Variants in FRMD5 observed in about 807,000 individuals in gnomAD.
FRMD5 encodes FERM domain-containing protein 5.
A neutral mutation model predicts 69.0 loss-of-function variants in FRMD5; 20 were observed. The observed-to-expected ratio is 0.29, with a 90% CI of 0.20 to 0.42. FRMD5 has a LOEUF of 0.42. Ranked by LOEUF, FRMD5 falls within the 10% of genes least tolerant of loss-of-function variation. FRMD5 has a pLI of 1.00. For missense variants in FRMD5, 595 were observed against 708.6 expected, an observed-to-expected ratio of 0.84 and a Z score of 1.82; for synonymous variants, 271 against 260.1, an observed-to-expected ratio of 1.04 and a Z score of -0.40.
intron 1 of FRMD5, among the ~76,000 whole-genome samples, chr15:44,098,538 A>AAG (rs371344192): frequency 0.45 from 65,395 of 143,840 alleles, 18,873 homozygotes; most frequent in Non-Finnish European, 0.62. Flanking sequence ...AAAAAAAAAA[A>AAG]AGAGAGAGAG....
At chr15:43,977,606 A>G (rs933702444) in intron 1 of FRMD5, among the ~76,000 whole-genome samples, 11 of 152,242 alleles carry the variant, frequency 7.2e-5, no homozygotes, top group Admixed American at 2.6e-4. Context: ...AAAAACATTA[A>G]TATTAAGCAG....
At chr15:43,992,442 G>A (rs895791485) in intron 1 of FRMD5, among the ~76,000 whole-genome samples, 5 of 151,534 alleles carry the variant, frequency 3.3e-5, no homozygotes, top group African/African-American at 9.7e-5. Context: ...GCCGTGGTGC[G>A]ATATCAGCTC....
chr15:43,913,686 C>T (rs1025205431), intron 4 of FRMD5, among the ~76,000 whole-genome samples: 3 of 152,232 alleles, frequency 2.0e-5, no homozygotes, highest in African/African-American at 7.2e-5. Flanking sequence ...CCTGCTGGGG[C>T]TGCCTAGTGC....
At chr15:44,050,655 C>A (rs1213056596) in intron 1 of FRMD5, among the ~76,000 whole-genome samples, 2 of 35,406 alleles carry the variant, frequency 5.6e-5, no homozygotes, top group Non-Finnish European at 3.0e-4. Flanking sequence ...GGCACACTGG[C>A]CTTTTTTTTT....
chr15:44,159,405 A>C (rs2077578150), intron 1 of FRMD5, among the ~76,000 whole-genome samples: 1 of 152,152 alleles, frequency 6.6e-6, no homozygotes, highest in Non-Finnish European at 1.5e-5. Flanking sequence ...GGTGGAAGAA[A>C]GACTGGAAGG....
chr15:44,084,610 C>A (rs1894120209), intron 1 of FRMD5, among the ~76,000 whole-genome samples: 1 of 152,126 alleles, frequency 6.6e-6, no homozygotes, highest in South Asian at 2.1e-4. Flanking sequence ...ATATTATCCA[C>A]ATGATAGACC....
chr15:44,094,070 A>G (rs564132381), intron 1 of FRMD5, among the ~76,000 whole-genome samples: 1 of 152,198 alleles, frequency 6.6e-6, no homozygotes, highest in Non-Finnish European at 1.5e-5. Context: ...TGTGCTTACC[A>G]TGAACCCAGG....
intron 1 of FRMD5, among the ~76,000 whole-genome samples, chr15:44,036,529 T>A (rs1323726188): frequency 1.3e-5 from 2 of 152,182 alleles, no homozygotes; most frequent in East Asian, 3.8e-4. Context: ...CACAAGTTAC[T>A]TAACCCTTCT....
At chr15:43,931,588 C>CT (rs71421810) in intron 1 of FRMD5, among the ~76,000 whole-genome samples, 2,982 of 144,726 alleles carry the variant, frequency 0.021, 51 homozygotes, top group Non-Finnish European at 0.026. Flanking sequence ...CTGCTTTTTT[C>CT]TTTTTTTTTT....
chr15:44,000,778 T>G (rs1351842103), intron 1 of FRMD5, among the ~76,000 whole-genome samples: 1 of 152,134 alleles, frequency 6.6e-6, no homozygotes, highest in East Asian at 1.9e-4. Flanking sequence ...ATTTTAAAAT[T>G]TTTGAGGAAC....
At chr15:44,186,014 G>A (rs752428105) in intron 1 of FRMD5, among the ~76,000 whole-genome samples, 4 of 151,986 alleles carry the variant, frequency 2.6e-5, no homozygotes, top group Non-Finnish European at 4.4e-5. Flanking sequence ...CACAACCTTC[G>A]CCTCCCCAGT....
chr15:43,921,209 C>T (rs532470479), intron 2 of FRMD5, among the ~76,000 whole-genome samples: 1 of 152,260 alleles, frequency 6.6e-6, no homozygotes, highest in Non-Finnish European at 1.5e-5. Flanking sequence ...ACGGAGGAGG[C>T]CTATCTGTTC....
chr15:43,990,388 A>C (rs182881270), intron 1 of FRMD5, among the ~76,000 whole-genome samples: 1 of 152,336 alleles, frequency 6.6e-6, no homozygotes, highest in East Asian at 1.9e-4. Flanking sequence ...TATGCCTATA[A>C]ATAAAATTTC....
rs2088218044 is a variant in FRMD5 at position 43,873,393 on chromosome 15, C to T, written c.*492G>A. ...CCCCATTGTCCAGATCCCTGGCCTGCCCTGCTGAGGCTGCAGTGATGAGTC... is the reference window on the plus strand; with the variant it reads ...CCCCATTGTCCAGATCCCTGGCCTGTCCTGCTGAGGCTGCAGTGATGAGTC... On this transcript the variant is annotated 3_prime_UTR_variant, in exon 14 of 14. Transcript: ENST00000417257. The T allele has an allele frequency of 2.1e-6, 3 of 1,442,314 alleles. No homozygotes were observed. Among genetic ancestry groups the T allele is most frequent in the Non-Finnish European group, 2.7e-6 (3 of 1,107,022 alleles). 89.3% of individuals were successfully genotyped at this position (1,442,314 alleles called of 1,614,324 possible). A position where few individuals can be genotyped will look rare whatever the true frequency, so the allele number is the denominator to read the frequency against.
intron 1 of FRMD5, among the ~76,000 whole-genome samples, chr15:43,973,047 G>T (rs1239622207): frequency 6.6e-6 from 1 of 151,858 alleles, no homozygotes; most frequent in Non-Finnish European, 1.5e-5. Flanking sequence ...TTTTGAGACG[G>T]AGTCTCGCTC....
intron 1 of FRMD5, among the ~76,000 whole-genome samples, chr15:44,008,180 G>C (rs959923576): frequency 7.0e-6 from 1 of 142,826 alleles, no homozygotes; most frequent in South Asian, 2.2e-4. Context: ...TGACACTCCT[G>C]CCTCATTTTT....
chr15:43,937,609 C>A (rs1187385629), intron 1 of FRMD5, among the ~76,000 whole-genome samples: 1 of 147,530 alleles, frequency 6.8e-6, no homozygotes, highest in African/African-American at 2.5e-5. Context: ...CTGCACTCTG[C>A]ACTCCAGCCT....
At chr15:43,967,708 T>C (rs2090316417) in intron 1 of FRMD5, among the ~76,000 whole-genome samples, 1 of 152,184 alleles carries the variant, frequency 6.6e-6, no homozygotes, top group African/African-American at 2.4e-5. Context: ...TCTGATTCTA[T>C]ATTTCATGCA....
chr15:44,015,848 C>T (rs1008680170), intron 1 of FRMD5, among the ~76,000 whole-genome samples: 5 of 152,122 alleles, frequency 3.3e-5, no homozygotes, highest in African/African-American at 1.2e-4. Context: ...GAGTAGCTGT[C>T]GTTTTTTCCT....
Sources: allele counts gnomAD v4.1 joint callset (sites outside exome capture counted in the v4.1 genomes callset), GRCh38; gene constraint gnomAD v4.1.1; transcripts MANE v1.5; gene names NCBI Gene and HGNC (gene_info 2026-07-23, HGNC 2026-07-21).